ADGRV1: variants seen among roughly 807,000 people sequenced by gnomAD.
ADGRV1 encodes the protein G-protein coupled receptor 98.
Under a neutral mutation model 596.2 loss-of-function variants are expected in ADGRV1, and 359 were observed. The ratio of observed to expected loss-of-function variants is 0.60; its 90% CI spans 0.55 to 0.66. The LOEUF is 0.66. Ranked by LOEUF, ADGRV1 falls within the 30% of genes least tolerant of loss-of-function variation. ADGRV1 has a pLI of 0.00. For missense variants in ADGRV1, 7,274 were observed against 7,575.6 expected (o/e 0.96, Z 1.48); for synonymous variants, 2,681 against 2,679.2 (o/e 1.00, Z -0.02).
intron 87 of ADGRV1, among the ~76,000 whole-genome samples, chr5:91,117,057 T>A (rs757064441): frequency 3.9e-5 from 6 of 152,262 alleles, no homozygotes; most frequent in Admixed American, 1.3e-4. Context: ...GTAGGTGAAG[T>A]GGAATGTTAA....
intron 83 of ADGRV1, among the ~76,000 whole-genome samples, chr5:90,904,199 T>C (rs1162858992): frequency 6.6e-6 from 1 of 152,142 alleles, no homozygotes; most frequent in Non-Finnish European, 1.5e-5. Flanking sequence ...TCTTGGCTAT[T>C]GTGAGTAGTG....
chr5:90,788,145 G>T lies in ADGRV1; in HGVS notation c.13728G>T (p.Val4576=), dbSNP rs760373168. 1.2e-6 allele frequency: 2 copies of T among 1,613,718 alleles called. No homozygotes were observed. Among genetic ancestry groups the T allele is most frequent in the South Asian group, 2.2e-5 (2 of 91,078 alleles). The change falls in exon 68 of 90, where the codon GTG becomes GTT. Residue 4576 remains valine (V), a synonymous_variant. Transcript: ENST00000405460. The stretch of plus-strand genomic sequence containing the variant: ...AGAATAGAGACATTGCAGACCCAGT[G>T]AGCGGGTTGTTCTATTTTGGAGAAG... ...LPQNRDIADP[V]SGLFYFGEGE... is the part of the protein sequence containing the mutation.
rs574268292 is a variant in ADGRV1 at position 90,787,569 on chromosome 5, T to A, written c.13654-502T>A. On this transcript the variant is annotated intron_variant, in intron 67 of 89. Coordinates refer to ENST00000405460, the MANE Select transcript of ADGRV1 (RefSeq NM_032119.4). ...GGTATGTAGTTTATAGTTGCAAATATCTTTTTGTCTTTCTTTCTTTCTTTT... is the reference window on the plus strand; with the variant it reads ...GGTATGTAGTTTATAGTTGCAAATAACTTTTTGTCTTTCTTTCTTTCTTTT... 4.0e-5 allele frequency among the ~76,000 whole-genome samples: 6 copies of A among 151,250 alleles called. No individual in the cohort carries two copies. The South Asian group carries it at 1.2e-3, about 31-fold the overall frequency.
chr5:90,704,818 CT>C (rs138905827), intron 36 of ADGRV1, among the ~76,000 whole-genome samples: 8,686 of 145,596 alleles, frequency 0.06, 346 homozygotes, highest in South Asian at 0.14. Flanking sequence ...CAAATTTAGT[CT>C]TTTTTTTTTT....
At chr5:90,927,554 A>G (rs1352917228) in intron 83 of ADGRV1, among the ~76,000 whole-genome samples, 2 of 152,142 alleles carry the variant, frequency 1.3e-5, no homozygotes, top group Non-Finnish European at 2.9e-5. Flanking sequence ...CGTTTCCTGA[A>G]TACAGCACAC....
rs187911141 is a variant in ADGRV1 at position 91,144,233 on chromosome 5, G to A, written c.18433-5797G>A. On this transcript the variant is annotated intron_variant, in intron 87 of 89. Transcript: ENST00000405460. ...CTCCCCTTCTGCAGCCAGCATCTCC[G>A]CAGTAGCCACTCCAGATGGGCCATC... 2.1e-3 allele frequency among the ~76,000 whole-genome samples: 320 copies of A among 152,320 alleles called. 1 individual carries two copies. The highest frequency in any genetic ancestry group is 3.5e-3 in the Non-Finnish European group (237 of 68,024).
chr5:90,690,166 C>T, intron 30 of ADGRV1, 90 bp downstream of exon 30: 1 of 739,948 alleles, frequency 1.4e-6, no homozygotes, highest in South Asian at 1.9e-5. Flanking sequence ...CAGAATTGAT[C>T]TGATCATGCT....
intron 6 of ADGRV1, 60 bp downstream of exon 6, chr5:90,625,303 GTAT>G: frequency 3.7e-6 from 4 of 1,067,314 alleles, no homozygotes; most frequent in Non-Finnish European, 5.7e-6. Context: ...ACACAGTCCT[GTAT>G]AAACTTAGTG....
intron 50 of ADGRV1, among the ~76,000 whole-genome samples, chr5:90,742,231 G>A (rs1335916195): frequency 1.3e-5 from 2 of 152,184 alleles, no homozygotes; most frequent in Non-Finnish European, 2.9e-5. Flanking sequence ...TAACTGCTAT[G>A]AAAGGATAGA....
At chr5:90,841,052 C>A in intron 78 of ADGRV1, 67 bp downstream of exon 78, 1 of 1,060,652 alleles carries the variant, frequency 9.4e-7, no homozygotes, top group Non-Finnish European at 1.3e-6. Flanking sequence ...CCAAGTAAAA[C>A]CAAAATCACA....
intron 85 of ADGRV1, among the ~76,000 whole-genome samples, chr5:91,008,564 C>T (rs1052778659): frequency 2.0e-4 from 30 of 152,106 alleles, no homozygotes; most frequent in African/African-American, 7.0e-4. Flanking sequence ...AGTGCAGTGG[C>T]ATGATATCAA....
intron 83 of ADGRV1, among the ~76,000 whole-genome samples, chr5:90,937,607 A>G (rs371613940): frequency 3.4e-3 from 521 of 151,868 alleles, no homozygotes; most frequent in Middle Eastern, 0.01. Flanking sequence ...ACAGGCACCC[A>G]CCACCACGCC....
In ADGRV1 at chr5:90,703,918, G is replaced by A. The variant is rs11959270; in HGVS notation, c.8286+123G>A. The A allele has an allele frequency of 0.15, 103,898 of 684,054 alleles. 9,237 individuals are homozygous for A. Among genetic ancestry groups the A allele is most frequent in the East Asian group, 0.37 (12,265 of 33,488 alleles). The allele number at this position is 684,054 out of a possible 1,614,324, so 42.4% of individuals were successfully genotyped here. A position where few individuals can be genotyped will look rare whatever the true frequency, so the allele number is the denominator to read the frequency against. ...TTTCTCTCTTCTCCAGACCTACTTC[G>A]TATGAATTCTTTGATGATGTATTTA... On this transcript the variant is annotated intron_variant, in intron 35 of 89. Transcript: ENST00000405460.
intron 87 of ADGRV1, among the ~76,000 whole-genome samples, chr5:91,140,674 G>A (rs908782619): frequency 6.6e-6 from 1 of 152,072 alleles, no homozygotes; most frequent in Non-Finnish European, 1.5e-5. Context: ...ACCCAGATTT[G>A]TACTTCGGAA....
intron 1 of ADGRV1, among the ~76,000 whole-genome samples, chr5:90,563,433 G>A (rs1194517288): frequency 6.6e-6 from 1 of 152,214 alleles, no homozygotes; most frequent in African/African-American, 2.4e-5. Flanking sequence ...CAACTGTAGG[G>A]TGCCATAGGG....
chr5:90,861,483 G>A (rs1767560924), intron 82 of ADGRV1, among the ~76,000 whole-genome samples: 1 of 150,308 alleles, frequency 6.7e-6, no homozygotes, highest in Non-Finnish European at 1.5e-5. Context: ...CTGATTTTTT[G>A]TATTTTTAGT....
Position 90,737,666 on chromosome 5 carries a change from T to C in ADGRV1, c.10550-7380T>C, listed in dbSNP as rs146520367. 6.9e-3 allele frequency among the ~76,000 whole-genome samples: 1,049 copies of C among 152,126 alleles called. 7 individuals are homozygous for C. Among genetic ancestry groups the C allele is most frequent in the African/African-American group, 0.023 (970 of 41,560 alleles). On this transcript the variant is annotated intron_variant, in intron 50 of 89. Coordinates refer to ENST00000405460, the MANE Select transcript of ADGRV1 (RefSeq NM_032119.4). The stretch of plus-strand genomic sequence containing the variant: ...ATGTCTTCTTGATGAATTTACCCTC[T>C]TGTTGTTATAGAATGGTCTTCTTTG...
At chr5:90,971,271 A>C (rs1424213132) in intron 84 of ADGRV1, among the ~76,000 whole-genome samples, 1 of 152,266 alleles carries the variant, frequency 6.6e-6, no homozygotes, top group East Asian at 1.9e-4. Flanking sequence ...GTTGGAAAAC[A>C]CTTTGCAGGA....
At chr5:91,160,607 C>T (rs1796863021) in intron 89 of ADGRV1, among the ~76,000 whole-genome samples, 1 of 152,036 alleles carries the variant, frequency 6.6e-6, no homozygotes, top group African/African-American at 2.4e-5. Flanking sequence ...GGAAAGTGTC[C>T]CTGTTATCAC....
Sources: gnomAD v4.1 joint callset for allele counts (sites outside exome capture counted in the v4.1 genomes callset) on GRCh38, gnomAD v4.1.1 for gene constraint, MANE v1.5 for transcripts, NCBI Gene and HGNC (gene_info 2026-07-23, HGNC 2026-07-21) for gene names.